LYPLAL1: variants seen among roughly 807,000 people sequenced by gnomAD.
The protein encoded by LYPLAL1 is lysophospholipase-like protein 1.
Under a neutral mutation model 19.7 loss-of-function variants are expected in LYPLAL1, and 23 were observed. The observed-to-expected ratio is 1.17, with a 90% CI of 0.84 to 1.65. The LOEUF (loss-of-function observed/expected upper bound fraction) is 1.65. LYPLAL1 is among the 40% of genes most tolerant of loss of function. The probability of loss-of-function intolerance (pLI) is 0.00; values close to 1 mark genes in which losing one functional copy is unlikely to be tolerated. For missense variants in LYPLAL1, 355 were observed against 279.4 expected (o/e 1.27, Z -1.93); for synonymous variants, 119 against 96.3 (o/e 1.24, Z -1.38).
the LYPLAL1 span, among the ~76,000 whole-genome samples, chr1:219,394,678 T>C: frequency 2.6e-5 from 4 of 152,330 alleles, no homozygotes; most frequent in African/African-American, 7.2e-5. Context: ...AGGTTTGTTA[T>C]ATAGGTAATG....
chr1:219,240,258 T>C, the LYPLAL1 span, among the ~76,000 whole-genome samples: 1 of 152,284 alleles, frequency 6.6e-6, no homozygotes, highest in Non-Finnish European at 1.5e-5. Context: ...TAGAGAAATA[T>C]AACTTATAAA....
At chr1:219,181,279 G>A (rs1399363105) in intron 2 of LYPLAL1, among the ~76,000 whole-genome samples, 8 of 152,012 alleles carry the variant, frequency 5.3e-5, no homozygotes, top group Admixed American at 5.2e-4. Context: ...GTAAAAATTA[G>A]GTTCCTCAAG....
the LYPLAL1 span, among the ~76,000 whole-genome samples, chr1:219,317,819 T>C: frequency 6.6e-6 from 1 of 152,184 alleles, no homozygotes; most frequent in Non-Finnish European, 1.5e-5. Context: ...GCTTTTAGCC[T>C]AGGCATCCTT....
At chr1:219,327,751 T>C in the LYPLAL1 span, among the ~76,000 whole-genome samples, 1 of 152,156 alleles carries the variant, frequency 6.6e-6, no homozygotes, top group African/African-American at 2.4e-5. Flanking sequence ...ATTCTCTTAG[T>C]AGTAAATACG....
chr1:219,174,430 G>A, intron 1 of LYPLAL1: 1 of 375,480 alleles, frequency 2.7e-6, no homozygotes, highest in South Asian at 8.4e-5. Context: ...GAGATTCACA[G>A]TTAACTTAGA....
chr1:219,241,421 G>A, the LYPLAL1 span, among the ~76,000 whole-genome samples: 1 of 151,958 alleles, frequency 6.6e-6, no homozygotes, highest in South Asian at 2.1e-4. Flanking sequence ...ATTAGGTGGA[G>A]TTAATGGTAA....
At chr1:219,417,642 C>A in the LYPLAL1 span, among the ~76,000 whole-genome samples, 1 of 152,220 alleles carries the variant, frequency 6.6e-6, no homozygotes, top group African/African-American at 2.4e-5. Context: ...ATTACTGGGT[C>A]TGATAAAAGT....
At chr1:219,203,432 A>G (rs1349698818) in intron 3 of LYPLAL1, among the ~76,000 whole-genome samples, 1 of 152,168 alleles carries the variant, frequency 6.6e-6, no homozygotes, top group Non-Finnish European at 1.5e-5. Flanking sequence ...GTATAAAAGA[A>G]ACTGAGAAAT....
chr1:219,233,687 T>C, the LYPLAL1 span, among the ~76,000 whole-genome samples: 13 of 151,996 alleles, frequency 8.6e-5, no homozygotes, highest in Non-Finnish European at 1.8e-4. Context: ...GGAGGATGGC[T>C]TGAGACCACG....
chr1:219,227,909 A>G, the LYPLAL1 span, among the ~76,000 whole-genome samples: 1 of 152,198 alleles, frequency 6.6e-6, no homozygotes, highest in Non-Finnish European at 1.5e-5. Context: ...ATATTGCTTC[A>G]TACACACAGA....
the LYPLAL1 span, among the ~76,000 whole-genome samples, chr1:219,372,613 A>T: frequency 6.6e-6 from 1 of 152,066 alleles, no homozygotes; most frequent in Non-Finnish European, 1.5e-5. Context: ...AAATGATAAA[A>T]ATTGGCCCTG....
chr1:219,250,107 C>A, the LYPLAL1 span, among the ~76,000 whole-genome samples: 16 of 152,092 alleles, frequency 1.1e-4, no homozygotes, highest in Admixed American at 2.6e-4. Context: ...TTTTTGTCTA[C>A]ACCAAAGTCA....
At chr1:219,440,541 T>A in the LYPLAL1 span, among the ~76,000 whole-genome samples, 1 of 152,082 alleles carries the variant, frequency 6.6e-6, no homozygotes, top group Non-Finnish European at 1.5e-5. Context: ...ATGGGTCAAT[T>A]TAAATATCAG....
chr1:219,349,225 A>G, the LYPLAL1 span, among the ~76,000 whole-genome samples: 1 of 152,178 alleles, frequency 6.6e-6, no homozygotes, highest in Non-Finnish European at 1.5e-5. Flanking sequence ...GTGCTCTTGA[A>G]AGTATTCCCA....
At chr1:219,419,555 A>ACG in the LYPLAL1 span, among the ~76,000 whole-genome samples, 1 of 72,764 alleles carries the variant, frequency 1.4e-5, no homozygotes, top group Non-Finnish European at 2.9e-5. Flanking sequence ...CCCAACACAC[A>ACG]CACACACACA....
the LYPLAL1 span, among the ~76,000 whole-genome samples, chr1:219,431,730 G>A: frequency 6.6e-6 from 1 of 152,198 alleles, no homozygotes; most frequent in African/African-American, 2.4e-5. Flanking sequence ...ACTAAACAGT[G>A]TGTGTTATTA....
chr1:219,359,632 G>A, the LYPLAL1 span, among the ~76,000 whole-genome samples: 1 of 152,152 alleles, frequency 6.6e-6, no homozygotes, highest in African/African-American at 2.4e-5. Context: ...TAAACATGGA[G>A]TGCATAGCAA....
chr1:219,402,293 A>C, the LYPLAL1 span, among the ~76,000 whole-genome samples: 1 of 152,190 alleles, frequency 6.6e-6, no homozygotes, highest in Non-Finnish European at 1.5e-5. Context: ...GTTCTGCAAT[A>C]AGCTGAATTG....
Position 219,193,121 on chromosome 1 carries a change from G to C in LYPLAL1, c.231G>C (p.Trp77Cys), listed in dbSNP as rs187331655. 1 of 1,608,690 alleles carries C rather than the reference G, an allele frequency of 6.2e-7. No individual in the cohort carries two copies. Among genetic ancestry groups the C allele is most frequent in the Non-Finnish European group, 8.5e-7 (1 of 1,176,654 alleles). Residue 77 changes from tryptophan to cysteine, a missense_variant, in exon 3 of 5, where the codon TGG becomes TGC. Transcript: ENST00000366928. ...TPMKGGISNV[W>C]FDRFKITNDC... ...TGAAAGGAGGAATCTCCAATGTATG[G>C]TTTGACAGATTTAAAATAACCAATG...
Sources: allele counts gnomAD v4.1 joint callset (sites outside exome capture counted in the v4.1 genomes callset), GRCh38; gene constraint gnomAD v4.1.1; transcripts MANE v1.5; gene names NCBI Gene and HGNC (gene_info 2026-07-23, HGNC 2026-07-21).